MASTL: variants seen among roughly 807,000 people sequenced by gnomAD.
MASTL encodes serine/threonine-protein kinase greatwall.
MASTL carries 54 observed loss-of-function variants against 82.5 expected under a neutral mutation model. That is an observed-to-expected ratio of 0.65 (90% CI 0.53 to 0.82). The LOEUF is 0.82. MASTL is among the 40% of genes least tolerant of loss of function. MASTL has a pLI of 0.00. For missense variants in MASTL, 950 were observed against 1,047.8 expected, an observed-to-expected ratio of 0.91 and a Z score of 1.29; for synonymous variants, 323 against 368.9, an observed-to-expected ratio of 0.88 and a Z score of 1.43.
intron 1 of MASTL, among the ~76,000 whole-genome samples, chr10:27,157,634 T>A (rs1008729298): frequency 2.0e-5 from 3 of 152,230 alleles, no homozygotes; most frequent in Non-Finnish European, 4.4e-5. Flanking sequence ...ACTTTATTTT[T>A]ATTTATTTAT....
Position 27,159,598 on chromosome 10 carries a change from T to C in MASTL, c.325-21T>C, listed in dbSNP as rs768609615. 35 of 1,443,198 alleles carry C rather than the reference T, an allele frequency of 2.4e-5. No homozygotes were observed. The highest frequency in any genetic ancestry group is 1.0e-4 in the Admixed American group (6 of 59,460). 89.4% of individuals were successfully genotyped at this position (1,443,198 alleles called of 1,614,324 possible). On this transcript the variant is annotated intron_variant, in intron 2 of 11. Coordinates refer to ENST00000375940, the MANE Select transcript of MASTL (RefSeq NM_001172303.3). This position sits in a 1 kb window ranked among gnomAD's most constrained non-coding sequence, Gnocchi z 4.0. Reference sequence around the variant, plus strand: ...TAATCATATTGTTTTTATTTCACAATATTAAATTCTTTTTTGAAAGGTAAT... The same window carrying C: ...TAATCATATTGTTTTTATTTCACAACATTAAATTCTTTTTTGAAAGGTAAT...
chr10:27,182,644 TAGGC>T (rs2058388500), intron 11 of MASTL, among the ~76,000 whole-genome samples: 1 of 151,960 alleles, frequency 6.6e-6, no homozygotes, highest in African/African-American at 2.4e-5. Flanking sequence ...CTTGGGGGCT[TAGGC>T]AGGAAGATTA....
chr10:27,172,444 C>T (rs916144897), intron 8 of MASTL, among the ~76,000 whole-genome samples: 3 of 152,010 alleles, frequency 2.0e-5, no homozygotes, highest in Admixed American at 1.3e-4. Context: ...CACCTGAGGT[C>T]GGGAGATCGA....
chr10:27,155,676 G>T, intron 1 of MASTL, 64 bp downstream of exon 1: 2 of 1,582,814 alleles, frequency 1.3e-6, no homozygotes, highest in Non-Finnish European at 1.7e-6. Flanking sequence ...TGCCCCACCG[G>T]CTTGGGCAGG....
intron 1 of MASTL, 81 bp from the exon 2 acceptor site, chr10:27,158,468 C>CT: frequency 8.8e-7 from 1 of 1,142,730 alleles, no homozygotes; most frequent in Non-Finnish European, 1.3e-6. Flanking sequence ...GATCATGCCA[C>CT]TGCACTCAGC....
Position 27,187,667 on chromosome 10 carries a change from G to A in MASTL, c.*1131G>A, listed in dbSNP as rs1241024725. Among the ~76,000 whole-genome samples, 4 of 151,508 alleles carry A rather than the reference G, an allele frequency of 2.6e-5. No individual in the cohort carries two copies. Among genetic ancestry groups the A allele is most frequent in the South Asian group, 2.1e-4 (1 of 4,816 alleles). On this transcript the variant is annotated 3_prime_UTR_variant, in exon 12 of 12. Coordinates refer to ENST00000375940, the MANE Select transcript of MASTL (RefSeq NM_001172303.3). ...CTTGGGAGGCTGAGGCATGAGAATC[G>A]CTTGAACCCAGGAGGTGGAGATTGC...
At chr10:27,158,772 A>G in intron 2 of MASTL, 86 bp downstream of exon 2, 1 of 1,453,380 alleles carries the variant, frequency 6.9e-7, no homozygotes, top group Admixed American at 1.7e-5. Flanking sequence ...TTTGGTTCAG[A>G]GTGCTTGCAT....
rs1456621152 is a variant in MASTL, at chr10:27,170,546, A to G, written c.1587A>G (p.Ala529=). 1.2e-5 allele frequency: 19 copies of G among 1,613,944 alleles called. No homozygotes were observed. The highest frequency in any genetic ancestry group is 1.5e-5 in the Non-Finnish European group (18 of 1,179,956). ...AAAAATTACCTATACCAATGATAGC[A>G]AAAAACCTTATGTGTGAACTCGATG... ...TPEKLPIPMI[A]KNLMCELDED... is the part of the protein sequence containing the mutation. Residue 529 remains alanine, a synonymous_variant, in exon 8 of 12, where the codon GCA becomes GCG. Coordinates refer to ENST00000375940, the MANE Select transcript of MASTL (RefSeq NM_001172303.3).
rs780860096 is a variant in MASTL at position 27,170,349 on chromosome 10, A to G, written c.1390A>G (p.Thr464Ala). ...PCKKIIQNKK[T>A]CVEYKHNEMT... ...TAAAAAAATTATACAGAATAAAAAA[A>G]CTTGTGTAGAGTATAAGCATAACGA... is the stretch of plus-strand genomic sequence containing the variant. The change falls in exon 8 of 12, where the codon ACT (threonine) becomes GCT (alanine). Residue 464 changes from threonine to alanine, a missense_variant. By Grantham distance (58) the Thr-to-Ala change is moderately conservative. Transcript: ENST00000375940. The G allele has an allele frequency of 4.3e-6, 7 of 1,613,594 alleles. No homozygotes were observed. Among genetic ancestry groups the G allele is most frequent in the Non-Finnish European group, 5.9e-6 (7 of 1,179,724 alleles).
chr10:27,175,296 C>T (rs2058069677), intron 9 of MASTL, among the ~76,000 whole-genome samples: 1 of 152,072 alleles, frequency 6.6e-6, no homozygotes, highest in South Asian at 2.1e-4. Flanking sequence ...TATTCTCCTG[C>T]CTCAGCCTCC....
At chr10:27,171,115 G>A (rs1432658163) in intron 8 of MASTL, 32 bp downstream of exon 8, 2 of 1,586,848 alleles carry the variant, frequency 1.3e-6, no homozygotes, top group African/African-American at 2.7e-5. Context: ...ACTGTTTTTT[G>A]GATTTTAGAA....
rs1296848931 is a variant in MASTL at position 27,186,555 on chromosome 10, A to G, written c.*19A>G. The G allele has an allele frequency of 1.2e-6, 2 of 1,601,380 alleles. No homozygotes were observed. Among genetic ancestry groups the G allele is most frequent in the Non-Finnish European group, 1.7e-6 (2 of 1,168,218 alleles). ...TCTGTAGCACAAAAATTTTCCTTTT[A>G]GTCTAGCCTTGTGTTATAGAATGAA... On this transcript the variant is annotated 3_prime_UTR_variant, in exon 12 of 12. Coordinates refer to ENST00000375940, the MANE Select transcript of MASTL (RefSeq NM_001172303.3).
intron 11 of MASTL, among the ~76,000 whole-genome samples, chr10:27,184,749 C>T (rs963190022): frequency 4.0e-5 from 6 of 151,364 alleles, no homozygotes; most frequent in East Asian, 1.9e-4. Flanking sequence ...TTAGTAGAGA[C>T]GGGGTTTCAC....
At chr10:27,165,238 C>A (rs1325432240) in intron 5 of MASTL, 68 bp downstream of exon 5, 80 of 1,401,186 alleles carry the variant, frequency 5.7e-5, no homozygotes, top group Non-Finnish European at 7.7e-5. Context: ...TTTAAAATCA[C>A]CTTTAAAAAA....
In MASTL at chr10:27,187,830, A is replaced by G. The variant is rs2058860379; in HGVS notation, c.*1294A>G. ...TGAATAGCTTGTTCAATTTTAATAG[A>G]AAATGTGATGCTTTACATCTTATTG... On this transcript the variant is annotated 3_prime_UTR_variant, in exon 12 of 12. Transcript: ENST00000375940. Among the ~76,000 whole-genome samples the G allele has an allele frequency of 6.6e-6, 1 of 152,222 alleles. No individual in the cohort carries two copies. Among genetic ancestry groups the G allele is most frequent in the African/African-American group, 2.4e-5 (1 of 41,458 alleles).
intron 9 of MASTL, among the ~76,000 whole-genome samples, chr10:27,180,474 C>A (rs550029426): frequency 1.3e-3 from 200 of 152,318 alleles, no homozygotes; most frequent in Non-Finnish European, 1.9e-3. Flanking sequence ...TCACTGCAAC[C>A]TCTGCCTCCC....
intron 1 of MASTL, 30 bp downstream of exon 1, chr10:27,155,642 G>T (rs2057336369): frequency 6.2e-7 from 1 of 1,611,806 alleles, no homozygotes; most frequent in Admixed American, 1.7e-5. Flanking sequence ...CAAGGAAGGG[G>T]TTAGGCCCTT....
rs752301093 is a variant in MASTL, at chr10:27,171,084, G to T, written c.2124+1G>T. ...AAGAAGATCCTGTATGCCACATCAG[G>T]TATATTTATAACTTTCTAATACTGT... On this transcript the variant is annotated splice_donor_variant, in intron 8 of 11. Coordinates refer to ENST00000375940, the MANE Select transcript of MASTL (RefSeq NM_001172303.3). LOFTEE classifies it high-confidence loss of function. 2.5e-6 allele frequency: 4 copies of T among 1,613,038 alleles called. No individual in the cohort carries two copies. In the East Asian group the frequency reaches 8.9e-5, roughly 36 times the overall value.
chr10:27,165,121 A>G lies in MASTL; in HGVS notation c.611A>G (p.Tyr204Cys). ...TPSMAKPRQDYSRTPGQVLSL... is the reference protein window; with the variant it reads ...TPSMAKPRQDCSRTPGQVLSL... ...TCAATGGCAAAACCTAGACAAGATTATTCAAGAACCCCAGGACAAGTGTTA... is the reference window on the plus strand; with the variant it reads ...TCAATGGCAAAACCTAGACAAGATTGTTCAAGAACCCCAGGACAAGTGTTA... Residue 204 changes from tyrosine to cysteine, a missense_variant, in exon 5 of 12, where the codon TAT (tyrosine) becomes TGT (cysteine). Coordinates refer to ENST00000375940, the MANE Select transcript of MASTL (RefSeq NM_001172303.3). 1 of 1,613,746 alleles carries G rather than the reference A, an allele frequency of 6.2e-7. No individual in the cohort carries two copies. The highest frequency in any genetic ancestry group is 8.5e-7 in the Non-Finnish European group (1 of 1,179,638).
Sources: gnomAD v4.1 joint callset for allele counts (sites outside exome capture counted in the v4.1 genomes callset) on GRCh38, gnomAD v4.1.1 for gene constraint, Gnocchi (gnomAD v3.1) non-coding constraint, MANE v1.5 for transcripts, NCBI Gene and HGNC (gene_info 2026-07-23, HGNC 2026-07-21) for gene names.